The following GOLM2 variants were observed in gnomAD, a reference collection of about 807,000 sequenced individuals.
GOLM2 encodes golgi membrane protein 2, also known as protein GOLM2.
GOLM2 carries 26 observed loss-of-function variants against 55.9 expected under a neutral mutation model. The ratio of observed to expected loss-of-function variants is 0.47; its 90% CI spans 0.34 to 0.65. GOLM2 has a LOEUF of 0.65. Ranked by LOEUF, GOLM2 falls within the 30% of genes least tolerant of loss-of-function variation. GOLM2 has a pLI of 0.01. For synonymous variants in GOLM2, 165 were observed against 194.6 expected (o/e 0.85, Z 1.27); for missense variants, 486 against 531.8 (o/e 0.91, Z 0.85).
intron 8 of GOLM2, among the ~76,000 whole-genome samples, chr15:44,397,833 G>A (rs1445710080): frequency 6.6e-6 from 1 of 152,020 alleles, no homozygotes; most frequent in Non-Finnish European, 1.5e-5. Context: ...AGCAACATTT[G>A]CTTTCTCATA....
Position 44,289,452 on chromosome 15 carries a change from C to A in GOLM2, c.327+96C>A. The A allele has an allele frequency of 8.6e-7, 1 of 1,165,210 alleles. No individual in the cohort carries two copies. Among genetic ancestry groups the A allele is most frequent in the Non-Finnish European group, 1.2e-6 (1 of 836,938 alleles). 72.2% of individuals were successfully genotyped at this position (1,165,210 alleles called of 1,614,324 possible). A position where few individuals can be genotyped will look rare whatever the true frequency, so the allele number is the denominator to read the frequency against. ...TCCGCTAGCTGTTGTCTTATGCCTT[C>A]CAGTATTTCAGTCCTGAAGGCTCCT... On this transcript the variant is annotated intron_variant, in intron 1 of 9. Coordinates refer to ENST00000299957, the MANE Select transcript of GOLM2 (RefSeq NM_138423.4). This position sits in a 1 kb window ranked among gnomAD's most constrained non-coding sequence, Gnocchi z 4.8.
intron 6 of GOLM2, among the ~76,000 whole-genome samples, chr15:44,351,745 C>T (rs2079166662): frequency 1.3e-5 from 2 of 151,994 alleles, no homozygotes; most frequent in Admixed American, 1.3e-4. Context: ...CATACTAAAT[C>T]AACATACAGA....
chr15:44,316,688 G>C (rs1459545869), intron 1 of GOLM2, among the ~76,000 whole-genome samples: 1 of 151,634 alleles, frequency 6.6e-6, no homozygotes, highest in Admixed American at 6.6e-5. Context: ...CCGGGAGGTG[G>C]AGGTTGCAGT....
In GOLM2 at chr15:44,289,439, T is replaced by C. The variant is rs2078705149; in HGVS notation, c.327+83T>C. The C allele has an allele frequency of 8.0e-7, 1 of 1,249,024 alleles. No homozygotes were observed. The highest frequency in any genetic ancestry group is 2.5e-5 in the Admixed American group (1 of 39,426). The allele number at this position is 1,249,024 out of a possible 1,614,324, so 77.4% of individuals were successfully genotyped here. A position where few individuals can be genotyped will look rare whatever the true frequency, so the allele number is the denominator to read the frequency against. ...GGCGGGATGTTAATCCGCTAGCTGT[T>C]GTCTTATGCCTTCCAGTATTTCAGT... On this transcript the variant is annotated intron_variant, in intron 1 of 9. Coordinates refer to ENST00000299957, the MANE Select transcript of GOLM2 (RefSeq NM_138423.4). The surrounding 1 kb of genome is among the most constrained non-coding windows in gnomAD (Gnocchi z 4.8).
intron 6 of GOLM2, among the ~76,000 whole-genome samples, chr15:44,340,918 A>T (rs1189269347): frequency 6.6e-6 from 1 of 152,174 alleles, no homozygotes; most frequent in African/African-American, 2.4e-5. Context: ...TCAAGGACAT[A>T]CTGCTGGTTT....
chr15:44,361,399 C>A (rs1430999835), intron 6 of GOLM2, among the ~76,000 whole-genome samples: 8 of 151,912 alleles, frequency 5.3e-5, no homozygotes, highest in Admixed American at 1.3e-4. Context: ...AAACTATCAT[C>A]AGAGAATACT....
chr15:44,406,176 G>A (rs145742151), intron 9 of GOLM2, among the ~76,000 whole-genome samples: 142 of 152,158 alleles, frequency 9.3e-4, no homozygotes, highest in African/African-American at 3.1e-3. Flanking sequence ...CAAGGCAGGC[G>A]GATCACCTGA....
chr15:44,366,310 A>AAAC (rs796413018), intron 6 of GOLM2, among the ~76,000 whole-genome samples: 1 of 150,438 alleles, frequency 6.6e-6, no homozygotes, highest in African/African-American at 2.4e-5. Flanking sequence ...AAAAAAAAAA[A>AAAC]AAAACAAAAC....
chr15:44,314,122 A>G (rs2078892722), intron 1 of GOLM2, among the ~76,000 whole-genome samples: 2 of 151,766 alleles, frequency 1.3e-5, no homozygotes, highest in South Asian at 4.1e-4. Flanking sequence ...CTGTAGTCCC[A>G]GCTACTTGGG....
intron 6 of GOLM2, among the ~76,000 whole-genome samples, chr15:44,350,861 T>C (rs1378412629): frequency 6.6e-6 from 1 of 152,184 alleles, no homozygotes; most frequent in Non-Finnish European, 1.5e-5. Context: ...ATCAACAGAA[T>C]GAAGGACAGA....
chr15:44,386,001 T>C (rs2079441387), intron 8 of GOLM2, among the ~76,000 whole-genome samples: 1 of 152,248 alleles, frequency 6.6e-6, no homozygotes, highest in South Asian at 2.1e-4. Context: ...CTTTTCATTC[T>C]TGATAGTGTC....
At position 44,415,531 on chromosome 15, in the gene GOLM2, T is replaced by C. The variant is rs760764732; in HGVS notation, c.*2125T>C. The stretch of plus-strand genomic sequence containing the variant: ...GAAATCTTGGACCAATTGATAATAT[T>C]TCTGACTGTATTAATATTTTAGTGC... On this transcript the variant is annotated 3_prime_UTR_variant, in exon 10 of 10. Transcript: ENST00000299957. The C allele has an allele frequency of 9.2e-5, 14 of 152,632 alleles. No homozygotes were observed. The highest frequency in any genetic ancestry group is 1.8e-4 in the Non-Finnish European group (12 of 68,030). The allele number at this position is 152,632 out of a possible 1,614,324, so 9.5% of individuals were successfully genotyped here. A position where few individuals can be genotyped will look rare whatever the true frequency, so the allele number is the denominator to read the frequency against.
chr15:44,290,156 T>C (rs1306144967), intron 1 of GOLM2, among the ~76,000 whole-genome samples: 2 of 152,230 alleles, frequency 1.3e-5, no homozygotes, highest in African/African-American at 4.8e-5. Context: ...AAGTTTTAAA[T>C]ATAAAAAGTT....
At chr15:44,377,099 A>G (rs2079369676) in intron 6 of GOLM2, among the ~76,000 whole-genome samples, 1 of 152,198 alleles carries the variant, frequency 6.6e-6, no homozygotes. Context: ...GGAGCTGGGC[A>G]TGATGGCTCA....
chr15:44,370,128 A>G (rs2079320423), intron 6 of GOLM2, among the ~76,000 whole-genome samples: 1 of 152,198 alleles, frequency 6.6e-6, no homozygotes, highest in Admixed American at 6.5e-5. Flanking sequence ...GAATTTGCCC[A>G]TCAGATTAAG....
chr15:44,304,198 C>T (rs1360165721), intron 1 of GOLM2, among the ~76,000 whole-genome samples: 2 of 143,766 alleles, frequency 1.4e-5, no homozygotes, highest in Non-Finnish European at 3.0e-5. Context: ...CATGAGATTG[C>T]AGTAATTCAG....
intron 8 of GOLM2, chr15:44,382,342 C>T (rs940522406): frequency 6.6e-6 from 1 of 151,746 alleles, no homozygotes; most frequent in Non-Finnish European, 1.5e-5. Context: ...GAGTCTCACT[C>T]TGTCACCCAG....
At chr15:44,318,740 T>A (rs1306935124) in intron 1 of GOLM2, among the ~76,000 whole-genome samples, 1 of 151,940 alleles carries the variant, frequency 6.6e-6, no homozygotes. Flanking sequence ...GAAGTTGAAT[T>A]TTACTACCTT....
At chr15:44,366,712 T>A (rs1263213087) in intron 6 of GOLM2, among the ~76,000 whole-genome samples, 1 of 151,920 alleles carries the variant, frequency 6.6e-6, no homozygotes. Context: ...GATTATGTCT[T>A]AAGGCCAGGT....
Sources: allele counts gnomAD v4.1 joint callset (sites outside exome capture counted in the v4.1 genomes callset), GRCh38; gene constraint gnomAD v4.1.1; non-coding constraint Gnocchi (gnomAD v3.1); transcripts MANE v1.5; gene names NCBI Gene and HGNC (gene_info 2026-07-23, HGNC 2026-07-21).